Variants in ABI3BP observed in about 807,000 individuals in gnomAD.
The protein encoded by ABI3BP is ABI family member 3 binding protein.
Under a neutral mutation model 268.6 loss-of-function variants are expected in ABI3BP, and 216 were observed. The ratio of observed to expected loss-of-function variants is 0.80; its 90% CI spans 0.72 to 0.90. The LOEUF (loss-of-function observed/expected upper bound fraction) is 0.90. Ranked by LOEUF, ABI3BP falls within the 40% of genes least tolerant of loss-of-function variation. The probability of loss-of-function intolerance (pLI) is 0.00; values close to 1 mark genes in which losing one functional copy is unlikely to be tolerated. For missense variants in ABI3BP, 2,090 were observed against 2,182.4 expected (o/e 0.96, Z 0.84); for synonymous variants, 730 against 730.0 (o/e 1.00, Z 0.00).
Position 100,852,015 on chromosome 3 carries a change from T to C in ABI3BP, c.1286-75A>G, listed in dbSNP as rs1014009464. 5.3e-6 allele frequency: 7 copies of C among 1,321,002 alleles called. No individual in the cohort carries two copies. In the African/African-American group the frequency reaches 1.0e-4, roughly 20 times the overall value. The allele number at this position is 1,321,002 out of a possible 1,614,324, so 81.8% of individuals were successfully genotyped here. A position where few individuals can be genotyped will look rare whatever the true frequency, so the allele number is the denominator to read the frequency against. ...ATTTGATTAATTTAGAAAGATTACATGACATGTTGTAATGCTGGTTGAAGG... is the reference window on the plus strand; with the variant it reads ...ATTTGATTAATTTAGAAAGATTACACGACATGTTGTAATGCTGGTTGAAGG... On this transcript the variant is annotated intron_variant, in intron 14 of 67. Coordinates refer to ENST00000471714, the MANE Select transcript of ABI3BP (RefSeq NM_001375547.2).
At chr3:100,757,533 CAAAGTA>C (rs1392543364) in intron 63 of ABI3BP, among the ~76,000 whole-genome samples, 2 of 147,568 alleles carry the variant, frequency 1.4e-5, no homozygotes, top group East Asian at 1.9e-4. Flanking sequence ...AGAATAGTAT[CAAAGTA>C]AAACAACTTT....
intron 2 of ABI3BP, among the ~76,000 whole-genome samples, chr3:100,923,821 T>G (rs73143038): frequency 0.12 from 18,010 of 151,952 alleles, 1,345 homozygotes; most frequent in Middle Eastern, 0.19. Flanking sequence ...AAATAATAGA[T>G]CTGGGCAATT....
intron 51 of ABI3BP, among the ~76,000 whole-genome samples, chr3:100,799,180 A>G (rs2097447351): frequency 6.6e-6 from 1 of 152,026 alleles, no homozygotes; most frequent in Non-Finnish European, 1.5e-5. Flanking sequence ...TCTTGCTCTC[A>G]TTCCTTTAAT....
At chr3:100,794,316 C>T (rs1281084596) in intron 54 of ABI3BP, among the ~76,000 whole-genome samples, 1 of 151,954 alleles carries the variant, frequency 6.6e-6, no homozygotes, top group Non-Finnish European at 1.5e-5. Flanking sequence ...CTTTTAAACC[C>T]TCTACGCCTC....
At chr3:100,843,469 G>A (rs2098730696) in intron 20 of ABI3BP, among the ~76,000 whole-genome samples, 1 of 150,480 alleles carries the variant, frequency 6.6e-6, no homozygotes, top group Non-Finnish European at 1.5e-5. Flanking sequence ...GAGAGTGTGT[G>A]TATGTGTGAG....
chr3:100,828,289 C>T, intron 34 of ABI3BP, 104 bp downstream of exon 34: 1 of 1,052,542 alleles, frequency 9.5e-7, no homozygotes, highest in Non-Finnish European at 1.4e-6. Context: ...TATGCATGTT[C>T]AACCGTTACA....
chr3:100,939,574 G>A (rs1030715345), intron 1 of ABI3BP, among the ~76,000 whole-genome samples: 5 of 152,030 alleles, frequency 3.3e-5, no homozygotes, highest in African/African-American at 1.2e-4. Flanking sequence ...CAAAAGGGGA[G>A]GGAGTGTGCG....
At chr3:100,897,783 C>T (rs1003274136) in intron 4 of ABI3BP, among the ~76,000 whole-genome samples, 1 of 152,078 alleles carries the variant, frequency 6.6e-6, no homozygotes, top group Non-Finnish European at 1.5e-5. Flanking sequence ...AATTATACCT[C>T]AATAAATGTT....
intron 1 of ABI3BP, chr3:100,945,649 T>C (rs1431046559): frequency 4.4e-6 from 2 of 450,846 alleles, no homozygotes; most frequent in Non-Finnish European, 4.5e-6. Context: ...CCATCCATGC[T>C]GTATCACTAG....
At chr3:100,903,422 G>A (rs1158600528) in intron 2 of ABI3BP, among the ~76,000 whole-genome samples, 6 of 152,102 alleles carry the variant, frequency 3.9e-5, no homozygotes, top group Admixed American at 3.3e-4. Flanking sequence ...TGAATGGCTG[G>A]TTACACATAT....
At chr3:100,778,705 A>C (rs2096783047) in intron 58 of ABI3BP, 1 of 250,138 alleles carries the variant, frequency 4.0e-6, no homozygotes, top group Non-Finnish European at 7.5e-6. Context: ...TAAAAACCAC[A>C]ATAAAAATAA....
chr3:100,947,345 T>C (rs529352069), intron 1 of ABI3BP, among the ~76,000 whole-genome samples: 1 of 152,316 alleles, frequency 6.6e-6, no homozygotes, highest in South Asian at 2.1e-4. Flanking sequence ...GACTAGGTGC[T>C]TAAAATAGAA....
At chr3:100,882,460 A>ATATATT (rs1554053818) in intron 6 of ABI3BP, among the ~76,000 whole-genome samples, 1 of 148,650 alleles carries the variant, frequency 6.7e-6, no homozygotes, top group Admixed American at 6.7e-5. Flanking sequence ...ATATATATAT[A>ATATATT]TTTTTTTTGC....
At chr3:100,825,326 A>C (rs969368287) in intron 35 of ABI3BP, among the ~76,000 whole-genome samples, 9 of 152,270 alleles carry the variant, frequency 5.9e-5, no homozygotes, top group African/African-American at 1.9e-4. Context: ...TCAAACTAGT[A>C]ATAAGACAAC....
Position 100,848,807 on chromosome 3 carries a change from T to C in ABI3BP, c.1570A>G (p.Lys524Glu), listed in dbSNP as rs768955397. Residue 524 changes from lysine (K) to glutamate (E), a missense_variant, in exon 18 of 68, where the codon AAA (lysine) becomes GAA (glutamate). By Grantham distance (56) the Lys-to-Glu change is moderately conservative. Transcript: ENST00000471714. The stretch of plus-strand genomic sequence containing the variant: ...AATATAAAGAGACATTTACCAGGTT[T>C]GGTTCTTGGCGGTTTGGGCCGGGGG... ...RRPRPKPPRT[K>E]PERTTSAGTI... is the part of the protein sequence containing the mutation. 3.5e-5 allele frequency: 56 copies of C among 1,612,096 alleles called. 1 individual carries two copies. The South Asian group carries it at 6.0e-4, about 17-fold the overall frequency.
chr3:100,860,013 A>T (rs2098980687), intron 14 of ABI3BP, among the ~76,000 whole-genome samples: 1 of 152,216 alleles, frequency 6.6e-6, no homozygotes, highest in Non-Finnish European at 1.5e-5. Flanking sequence ...CAAAGGTTGC[A>T]GTGAGCCGAG....
At position 100,817,203 on chromosome 3, in the gene ABI3BP, A is replaced by G. The variant is rs534126847; in HGVS notation, c.3148+233T>C. Among the ~76,000 whole-genome samples the G allele has an allele frequency of 2.0e-5, 3 of 152,356 alleles. No homozygotes were observed. The East Asian group carries it at 5.8e-4, about 29-fold the overall frequency. On this transcript the variant is annotated intron_variant, in intron 42 of 67. Transcript: ENST00000471714. The stretch of plus-strand genomic sequence containing the variant: ...AAAAGTACATGACACAAATTCAAAT[A>G]AGATTACATGGTAGACTCTGAACTA...
intron 14 of ABI3BP, among the ~76,000 whole-genome samples, chr3:100,855,013 G>A (rs531402567): frequency 4.0e-5 from 6 of 151,656 alleles, no homozygotes; most frequent in African/African-American, 1.2e-4. Flanking sequence ...TGCAACCTCC[G>A]CCTCCCAGGT....
chr3:100,754,802 C>T, intron 63 of ABI3BP, 111 bp from the exon 64 acceptor site: 1 of 863,046 alleles, frequency 1.2e-6, no homozygotes, highest in Non-Finnish European at 1.9e-6. Flanking sequence ...GAAATTATGA[C>T]AGTGAATGGT....
Sources: allele counts gnomAD v4.1 joint callset (sites outside exome capture counted in the v4.1 genomes callset), GRCh38; gene constraint gnomAD v4.1.1; transcripts MANE v1.5; gene names NCBI Gene and HGNC (gene_info 2026-07-23, HGNC 2026-07-21).